Variants in CLCN7 observed in about 807,000 individuals in gnomAD.
CLCN7 encodes Cl-/H+ antiporter 7.
A neutral mutation model predicts 102.1 loss-of-function variants in CLCN7; 60 were observed. The ratio of observed to expected loss-of-function variants is 0.59; its 90% CI spans 0.48 to 0.73. The LOEUF (loss-of-function observed/expected upper bound fraction) is 0.73. CLCN7 is among the 30% of genes least tolerant of loss of function. The probability of loss-of-function intolerance (pLI) is 0.00; values close to 1 mark genes in which losing one functional copy is unlikely to be tolerated. For synonymous variants in CLCN7, 560 were observed against 490.5 expected, an observed-to-expected ratio of 1.14 and a Z score of -1.87; for missense variants, 962 against 1,125.7, an observed-to-expected ratio of 0.85 and a Z score of 2.08.
rs940177587 is a variant in CLCN7, at chr16:1,455,864, C to T, written c.917-69G>A. The T allele has an allele frequency of 3.2e-6, 5 of 1,544,838 alleles. No individual in the cohort carries two copies. In the Admixed American group the frequency reaches 6.7e-5, roughly 21 times the overall value. ...CACCATGCCCACCACCAACTCCCTC[C>T]CCCAGGCTCCAGGGAACCCAGACCA... On this transcript the variant is annotated intron_variant, in intron 10 of 24. Transcript: ENST00000382745.
chr16:1,453,136 T>A (rs1013832037), intron 14 of CLCN7, among the ~76,000 whole-genome samples: 1 of 152,062 alleles, frequency 6.6e-6, no homozygotes, highest in African/African-American at 2.4e-5. Context: ...GCCTCCCGAG[T>A]AGCTGGGATT....
At chr16:1,446,789 G>C (rs1196737218) in intron 24 of CLCN7, 72 bp from the exon 25 acceptor site, 1 of 1,351,888 alleles carries the variant, frequency 7.4e-7, no homozygotes, top group African/African-American at 1.4e-5. Flanking sequence ...CCTGCCTTGT[G>C]TGTGGCTGGG....
rs373903575 is a variant in CLCN7 at position 1,455,099 on chromosome 16, A to G, written c.1098+35T>C. 1.3e-5 allele frequency: 16 copies of G among 1,210,698 alleles called. No individual in the cohort carries two copies. The East Asian group carries it at 3.3e-4, about 25-fold the overall frequency. The allele number at this position is 1,210,698 out of a possible 1,614,324, so 75.0% of individuals were successfully genotyped here. A position where few individuals can be genotyped will look rare whatever the true frequency, so the allele number is the denominator to read the frequency against. The stretch of plus-strand genomic sequence containing the variant: ...AGCAAACAGGGTCCTGGACCAGGAT[A>G]CGAGGTGGGCGAGGTGGGCGATGGG... On this transcript the variant is annotated intron_variant, in intron 12 of 24. Coordinates refer to ENST00000382745, the MANE Select transcript of CLCN7 (RefSeq NM_001287.6).
At chr16:1,469,229 A>C (rs1372279152) in intron 1 of CLCN7, among the ~76,000 whole-genome samples, 1 of 152,010 alleles carries the variant, frequency 6.6e-6, no homozygotes, top group Non-Finnish European at 1.5e-5. Context: ...AAATAAAACA[A>C]AATAAAAGTC....
intron 21 of CLCN7, among the ~76,000 whole-genome samples, chr16:1,448,026 C>T (rs1394149898): frequency 6.6e-6 from 1 of 152,252 alleles, no homozygotes; most frequent in African/African-American, 2.4e-5. Context: ...AACCTCCAAA[C>T]ACCCAGTGTC....
rs901732359 is a variant in CLCN7 at position 1,473,494 on chromosome 16, C to T, written c.141+1340G>A. On this transcript the variant is annotated intron_variant, in intron 1 of 24. Transcript: ENST00000382745. ...GTTCAATTGATTCTCCTGCCTCAGC[C>T]TCCCGAGTAGCTGGGACTACAGGCG... Among the ~76,000 whole-genome samples the T allele has an allele frequency of 3.3e-5, 5 of 150,444 alleles. No individual in the cohort carries two copies. In the East Asian group the frequency reaches 8.1e-4, roughly 24 times the overall value.
intron 15 of CLCN7, 182 bp from the exon 16 acceptor site, chr16:1,451,898 C>A: frequency 1.6e-6 from 1 of 627,182 alleles, no homozygotes. Context: ...ACACACAAGG[C>A]CCAAGCCATG....
At chr16:1,453,623 A>G (rs113842011) in intron 14 of CLCN7, among the ~76,000 whole-genome samples, 9 of 152,090 alleles carry the variant, frequency 5.9e-5, no homozygotes, top group African/African-American at 2.2e-4. Flanking sequence ...GAGCCCTCGC[A>G]CTCCTAGCCT....
chr16:1,465,387 G>C (rs1470661735), intron 1 of CLCN7, 49 bp from the exon 2 acceptor site: 13 of 1,523,686 alleles, frequency 8.5e-6, no homozygotes, highest in Non-Finnish European at 1.1e-5. Flanking sequence ...CGCACGCTCT[G>C]CTCCGTGGAT....
intron 17 of CLCN7, chr16:1,449,601 A>C (rs1183955490): frequency 1.8e-6 from 1 of 554,358 alleles, no homozygotes; most frequent in Non-Finnish European, 3.2e-6. Context: ...AGCCCAGGCC[A>C]ACTAGGGAGC....
At chr16:1,455,996 G>A (rs1018873138) in intron 10 of CLCN7, 117 bp downstream of exon 10, 12 of 1,047,646 alleles carry the variant, frequency 1.1e-5, no homozygotes, top group African/African-American at 9.5e-5. Context: ...CAAATGCCCC[G>A]GCCGTGACTC....
intron 1 of CLCN7, chr16:1,467,589 AGGTGCCCC>A (rs948290046): frequency 6.6e-6 from 1 of 152,344 alleles, no homozygotes; most frequent in African/African-American, 2.4e-5. Flanking sequence ...CCAGGTGGAC[AGGTGCCCC>A]GATGCCCCAA....
rs201003026 is a variant in CLCN7 at position 1,465,351 on chromosome 16, G to A, written c.142-13C>T. The stretch of plus-strand genomic sequence containing the variant: ...CAGAACGTGGTGACTAAAAGCAGAA[G>A]AGAAATCATGAGGGCGCTCAGGCGT... On this transcript the variant is annotated splice_polypyrimidine_tract_variant and intron_variant, in intron 1 of 24. Coordinates refer to ENST00000382745, the MANE Select transcript of CLCN7 (RefSeq NM_001287.6). The A allele has an allele frequency of 1.9e-6, 3 of 1,610,886 alleles. No homozygotes were observed. Among genetic ancestry groups the A allele is most frequent in the Non-Finnish European group, 2.5e-6 (3 of 1,178,400 alleles).
intron 1 of CLCN7, among the ~76,000 whole-genome samples, chr16:1,469,660 T>C (rs1351368590): frequency 6.6e-6 from 1 of 152,188 alleles, no homozygotes; most frequent in African/African-American, 2.4e-5. Context: ...CCCTTCAGCC[T>C]GGGCGACAGA....
At chr16:1,459,309 G>GAA in intron 6 of CLCN7, 122 bp from the exon 7 acceptor site, 1 of 771,504 alleles carries the variant, frequency 1.3e-6, no homozygotes. Flanking sequence ...CAGGGAAGGG[G>GAA]AGCTCAGCAC....
rs1172932679 is a variant in CLCN7 at position 1,446,717 on chromosome 16, C to T, written c.2332G>A (p.Val778Ile). Reference sequence around the variant, plus strand: ...TCCTTCCTGGTCACCAACCCGACAACCTGCAGGACAAGTCCAGGCCACAGT... The same window carrying T: ...TCCTTCCTGGTCACCAACCCGACAATCTGCAGGACAAGTCCAGGCCACAGT... Reference protein sequence around the residue: ...HLVVVDNRNQVVGLVTRKDLA... With the variant: ...HLVVVDNRNQIVGLVTRKDLA... The change falls in exon 25 of 25, where the codon GTT becomes ATT. Residue 778 changes from valine (V) to isoleucine (I), a missense_variant and splice_region_variant. Val to Ile is a conservative substitution (Grantham distance 29). This residue lies in a region of CLCN7 where 799 missense variants were observed against 988.0 expected (regional missense o/e 0.81). Transcript: ENST00000382745. 1 of 1,582,578 alleles carries T rather than the reference C, an allele frequency of 6.3e-7. No individual in the cohort carries two copies. Among genetic ancestry groups the T allele is most frequent in the Non-Finnish European group, 8.6e-7 (1 of 1,163,866 alleles).
chr16:1,452,935 C>T (rs967760275), intron 14 of CLCN7, 42 bp from the exon 15 acceptor site: 55 of 1,552,998 alleles, frequency 3.5e-5, no homozygotes, highest in African/African-American at 9.6e-5. Flanking sequence ...AGGACGGCAG[C>T]GCGGCCCCTC....
chr16:1,452,140 G>A lies in CLCN7; in HGVS notation c.1354-424C>T, dbSNP rs149952471. ...ACAGGGGGTGTTATCCACGGGGCTG[G>A]AGCAGAGTGTAGCAAGGCTGGTCAA... On this transcript the variant is annotated intron_variant, in intron 15 of 24. Coordinates refer to ENST00000382745, the MANE Select transcript of CLCN7 (RefSeq NM_001287.6). The A allele has an allele frequency of 1.3e-5, 4 of 302,816 alleles. No individual in the cohort carries two copies. In the East Asian group the frequency reaches 3.3e-4, roughly 25 times the overall value. The allele number at this position is 302,816 out of a possible 1,614,324, so 18.8% of individuals were successfully genotyped here.
chr16:1,458,780 A>G (rs1170737798), intron 7 of CLCN7, among the ~76,000 whole-genome samples: 1 of 152,172 alleles, frequency 6.6e-6, no homozygotes, highest in Admixed American at 6.5e-5. Context: ...CACGCCCACT[A>G]CCACGACAGC....
Sources: allele counts gnomAD v4.1 joint callset (sites outside exome capture counted in the v4.1 genomes callset), GRCh38; gene constraint gnomAD v4.1.1; regional missense constraint gnomAD v4.1.1; transcripts MANE v1.5; gene names NCBI Gene and HGNC (gene_info 2026-07-23, HGNC 2026-07-21).